Variants in PPP4R4 observed in about 807,000 individuals in gnomAD.
PPP4R4 encodes the protein protein phosphatase 4 regulatory subunit 4.
In PPP4R4, 70 loss-of-function variants were observed where a neutral mutation model predicts 121.8. The observed-to-expected ratio is 0.57, with a 90% CI of 0.47 to 0.70. PPP4R4 has a LOEUF of 0.70. PPP4R4 is among the 30% of genes least tolerant of loss of function. The probability of loss-of-function intolerance (pLI) is 0.00; values close to 1 mark genes in which losing one functional copy is unlikely to be tolerated. For missense variants in PPP4R4, 875 were observed against 1,033.6 expected (o/e 0.85, Z 2.10); for synonymous variants, 348 against 355.7 (o/e 0.98, Z 0.24).
rs573388790 is a variant in PPP4R4 at position 94,214,268 on chromosome 14, A to G, written c.294+5702A>G. Among the ~76,000 whole-genome samples the G allele has an allele frequency of 2.0e-5, 3 of 152,356 alleles. No individual in the cohort carries two copies. In the East Asian group the frequency reaches 5.8e-4, roughly 29 times the overall value. On this transcript the variant is annotated intron_variant, in intron 3 of 24. Coordinates refer to ENST00000304338, the MANE Select transcript of PPP4R4 (RefSeq NM_058237.2). ...TTGACACGTACATGTAGAATGGTAT[A>G]TAACGCTGATTTATGTTCGAGAGAG...
chr14:94,174,674 C>A (rs1011292131), intron 1 of PPP4R4, 92 bp downstream of exon 1: 2 of 1,509,812 alleles, frequency 1.3e-6, no homozygotes, highest in Admixed American at 2.1e-5. Flanking sequence ...CACCACCCTC[C>A]CCTCCTCCGG....
At position 94,202,023 on chromosome 14, in the gene PPP4R4, G is replaced by A. The variant is rs376073198; in HGVS notation, c.192-6441G>A. 3.2e-4 allele frequency among the ~76,000 whole-genome samples: 49 copies of A among 151,884 alleles called. 1 individual carries two copies. The South Asian group carries it at 1.0e-2, about 31-fold the overall frequency. On this transcript the variant is annotated intron_variant, in intron 2 of 24. Coordinates refer to ENST00000304338, the MANE Select transcript of PPP4R4 (RefSeq NM_058237.2). ...TGGCATTTGCAGCAACCTTGATGGA[G>A]ACTATTATTCTAAGTGAAGTAACTC...
intron 15 of PPP4R4, 38 bp downstream of exon 15, chr14:94,250,315 TAAAC>T (rs765647182): frequency 2.1e-5 from 30 of 1,400,156 alleles, no homozygotes; most frequent in Middle Eastern, 1.9e-4. Context: ...AAAAGGAAAG[TAAAC>T]AAACTAGTTG....
chr14:94,228,782 G>A (rs934390879), intron 3 of PPP4R4, among the ~76,000 whole-genome samples: 1 of 152,116 alleles, frequency 6.6e-6, no homozygotes, highest in Non-Finnish European at 1.5e-5. Context: ...TAGGAGGTGG[G>A]GACACATGAA....
At chr14:94,175,412 G>C (rs1888625619) in intron 1 of PPP4R4, 1 of 152,184 alleles carries the variant, frequency 6.6e-6, no homozygotes, top group South Asian at 2.1e-4. Context: ...CACCCCTACT[G>C]GCTCTCCCAC....
chr14:94,252,815 G>T (rs1184484476), intron 16 of PPP4R4, among the ~76,000 whole-genome samples: 2 of 152,160 alleles, frequency 1.3e-5, no homozygotes, highest in African/African-American at 4.8e-5. Context: ...TTATGCATCT[G>T]AAAGATGCAT....
intron 2 of PPP4R4, among the ~76,000 whole-genome samples, chr14:94,194,583 T>C (rs1595459353): frequency 6.6e-6 from 1 of 152,022 alleles, no homozygotes; most frequent in East Asian, 1.9e-4. Flanking sequence ...TTCTAGTCAG[T>C]GATGGTAGCA....
chr14:94,263,267 A>G (rs1397375799), intron 19 of PPP4R4, among the ~76,000 whole-genome samples: 10 of 151,974 alleles, frequency 6.6e-5, no homozygotes, highest in Admixed American at 6.6e-4. Context: ...TAGATCGTTT[A>G]TTATTGTCCG....
rs147719726 is a variant in PPP4R4, at chr14:94,236,588, G to A, written c.732-977G>A. On this transcript the variant is annotated intron_variant, in intron 7 of 24. Transcript: ENST00000304338. The stretch of plus-strand genomic sequence containing the variant: ...TTCAATTGCTTAAGTCCTTGTCATT[G>A]TGGTATGCTGCCTAATATGGTAGCC... Among the ~76,000 whole-genome samples, 970 of 152,198 alleles carry A rather than the reference G, an allele frequency of 6.4e-3. 11 individuals carry two copies. The highest frequency in any genetic ancestry group is 0.021 in the African/African-American group (865 of 41,524).
intron 2 of PPP4R4, among the ~76,000 whole-genome samples, chr14:94,205,983 C>G (rs1890436134): frequency 6.6e-6 from 1 of 152,102 alleles, no homozygotes; most frequent in African/African-American, 2.4e-5. Flanking sequence ...TCTACTAAAT[C>G]TTGGTTGATG....
At chr14:94,265,619 G>T (rs867555381) in intron 21 of PPP4R4, 146 bp downstream of exon 21, 6 of 859,744 alleles carry the variant, frequency 7.0e-6, no homozygotes, top group Non-Finnish European at 1.1e-5. Context: ...TAGGTGTTTT[G>T]GTAGTTTTTA....
Position 94,231,267 on chromosome 14 carries a change from T to A in PPP4R4, c.468T>A (p.Thr156=). ...GTGTCAGCAATGCATGGCTGGAAAC[T>A]CTTCTGTCTGTTATAGAAGTATTGC... ...DTGVSNAWLE[T]LLSVIEVLPK... Residue 156 remains threonine (T), a synonymous_variant, in exon 5 of 25, where the codon ACT becomes ACA. Transcript: ENST00000304338. The A allele has an allele frequency of 6.2e-7, 1 of 1,612,510 alleles. No individual in the cohort carries two copies. Among genetic ancestry groups the A allele is most frequent in the African/African-American group, 1.3e-5 (1 of 75,020 alleles).
intron 8 of PPP4R4, among the ~76,000 whole-genome samples, chr14:94,237,936 C>T (rs1017100628): frequency 1.3e-5 from 2 of 152,148 alleles, no homozygotes; most frequent in African/African-American, 4.8e-5. Context: ...TTTATTTTGG[C>T]CCACATTTCT....
intron 5 of PPP4R4, among the ~76,000 whole-genome samples, chr14:94,233,090 T>G (rs1892140088): frequency 1.3e-5 from 2 of 152,128 alleles, no homozygotes; most frequent in South Asian, 4.1e-4. Flanking sequence ...CGAGATTATT[T>G]GGACAAACTA....
At chr14:94,266,907 G>A in intron 22 of PPP4R4, 52 bp from the exon 23 acceptor site, 1 of 1,186,630 alleles carries the variant, frequency 8.4e-7, no homozygotes, top group Admixed American at 1.9e-5. Flanking sequence ...AGATGACTGA[G>A]ATTGTAAGAA....
chr14:94,174,346 C>T lies in PPP4R4; in HGVS notation c.-120C>T. The T allele has an allele frequency of 1.1e-6, 1 of 934,088 alleles. No individual in the cohort carries two copies. The highest frequency in any genetic ancestry group is 1.4e-6 in the Non-Finnish European group (1 of 712,650). The allele number at this position is 934,088 out of a possible 1,614,324, so 57.9% of individuals were successfully genotyped here. A position where few individuals can be genotyped will look rare whatever the true frequency, so the allele number is the denominator to read the frequency against. On this transcript the variant is annotated 5_prime_UTR_variant, in exon 1 of 25. Transcript: ENST00000304338. ...TCTTGCTCCCGCCGCCTGGCAGCCT[C>T]ACGCTCGGCTCCAGCGGCCAAGAGC...
At chr14:94,253,774 ATAACTG>A (rs1239630126) in intron 16 of PPP4R4, among the ~76,000 whole-genome samples, 1 of 152,224 alleles carries the variant, frequency 6.6e-6, no homozygotes, top group Non-Finnish European at 1.5e-5. Context: ...AGATTATTGT[ATAACTG>A]TGTGTCTTGG....
At chr14:94,270,926 A>AC (rs1278170908) in intron 23 of PPP4R4, among the ~76,000 whole-genome samples, 5 of 150,188 alleles carry the variant, frequency 3.3e-5, no homozygotes, top group African/African-American at 7.4e-5. Context: ...TCAAAAAAAA[A>AC]AACAACAACA....
At chr14:94,272,104 C>T (rs936250563) in intron 23 of PPP4R4, among the ~76,000 whole-genome samples, 1 of 152,188 alleles carries the variant, frequency 6.6e-6, no homozygotes, top group African/African-American at 2.4e-5. Flanking sequence ...GATCTATAAA[C>T]TAAATGCAGT....
Sources: allele counts gnomAD v4.1 joint callset (sites outside exome capture counted in the v4.1 genomes callset), GRCh38; gene constraint gnomAD v4.1.1; transcripts MANE v1.5; gene names NCBI Gene and HGNC (gene_info 2026-07-23, HGNC 2026-07-21).